EGF: variants seen among roughly 807,000 people sequenced by gnomAD.
The protein encoded by EGF is epidermal growth factor.
Under a neutral mutation model 143.8 loss-of-function variants are expected in EGF, and 95 were observed. The ratio of observed to expected loss-of-function variants is 0.66; its 90% CI spans 0.56 to 0.78. The LOEUF is 0.78. EGF is among the 30% of genes least tolerant of loss of function. The pLI, the probability that EGF is intolerant of heterozygous loss-of-function variation, is 0.00. For synonymous variants in EGF, 510 were observed against 510.5 expected, an observed-to-expected ratio of 1.00 and a Z score of 0.01; for missense variants, 1,320 against 1,470.9, an observed-to-expected ratio of 0.90 and a Z score of 1.68.
chr4:109,959,231 C>T (rs890463520), intron 5 of EGF, 81 bp from the exon 6 acceptor site: 43 of 1,597,982 alleles, frequency 2.7e-5, no homozygotes, highest in South Asian at 2.3e-4. Flanking sequence ...GAGGTAAGAC[C>T]TCTTAAGAAT....
chr4:109,918,865 T>C (rs1002788254), intron 1 of EGF, among the ~76,000 whole-genome samples: 2 of 152,184 alleles, frequency 1.3e-5, no homozygotes, highest in Non-Finnish European at 2.9e-5. Context: ...AGGTCATCTG[T>C]GGAAGGGACT....
In EGF at chr4:109,959,323, T is replaced by C. The variant is rs749456522; in HGVS notation, c.952T>C (p.Cys318Arg). The C allele has an allele frequency of 1.1e-5, 18 of 1,613,778 alleles. No individual in the cohort carries two copies. The East Asian group carries it at 3.8e-4, about 34-fold the overall frequency. Residue 318 changes from cysteine (C) to arginine (R), a missense_variant, in exon 6 of 24, where the codon TGC becomes CGC. Physicochemically the swap from Cys to Arg is radical, Grantham distance 180. This residue lies in a region of EGF where 1,186 missense variants were observed against 1,313.7 expected (regional missense o/e 0.90). Transcript: ENST00000265171. ...DDTWEPEQKL[C>R]KLRKGNCSST... ...ATCTTCTCTTTTAGAGCAGAAACTT[T>C]GCAAATTGAGGAAAGGAAACTGCAG...
intron 5 of EGF, among the ~76,000 whole-genome samples, chr4:109,951,293 G>T (rs886092270): frequency 6.6e-6 from 1 of 152,244 alleles, no homozygotes; most frequent in African/African-American, 2.4e-5. Flanking sequence ...AAGGGGCAGA[G>T]GTTTCAGTGA....
Position 109,970,824 on chromosome 4 carries a change from CAAAAA to C in EGF, c.1724+1723_1724+1727del, listed in dbSNP as rs371512157. 8.9e-3 allele frequency among the ~76,000 whole-genome samples: 651 copies of C among 72,962 alleles called. 8 individuals are homozygous for C. The highest frequency in any genetic ancestry group is 0.033 in the African/African-American group (606 of 18,202). 47.9% of individuals were successfully genotyped at this position (72,962 alleles called of 152,430 possible). A position where few individuals can be genotyped will look rare whatever the true frequency, so the allele number is the denominator to read the frequency against. On this transcript the variant is annotated intron_variant, in intron 11 of 23. Transcript: ENST00000265171. ...TGGGTGGCAGAGCGAGACTCCGTCT[CAAAAA>C]AAAAAAAAAAAAAAAAATCTGTTGA... is the stretch of plus-strand genomic sequence containing the variant.
At chr4:109,924,013 G>A (rs1396972152) in intron 1 of EGF, among the ~76,000 whole-genome samples, 1 of 151,690 alleles carries the variant, frequency 6.6e-6, no homozygotes, top group African/African-American at 2.4e-5. Context: ...TAATATTTAT[G>A]TAGGAATTTA....
In EGF at chr4:109,933,318, G is replaced by T. The variant is rs1487395605; in HGVS notation, c.128-7628G>T. ...GGGGCTTGTATTGTAGCAAAGATCT[G>T]GGAATAATAATTTGAGTGAATTCTC... is the stretch of plus-strand genomic sequence containing the variant. On this transcript the variant is annotated intron_variant, in intron 1 of 23. Transcript: ENST00000265171. Among the ~76,000 whole-genome samples the T allele has an allele frequency of 2.0e-5, 3 of 152,110 alleles. No individual in the cohort carries two copies. The East Asian group carries it at 5.8e-4, about 29-fold the overall frequency.
In EGF at chr4:110,012,118, C is replaced by T. The variant is rs1190621251; in HGVS notation, c.*663C>T. ...TTTCTTAGTCATTACTGTCCTTTTC[C>T]CCTACAGAATTTTCCCTCTTGGTGT... On this transcript the variant is annotated 3_prime_UTR_variant, in exon 24 of 24. Transcript: ENST00000265171. 1.3e-5 allele frequency: 2 copies of T among 152,088 alleles called. No homozygotes were observed. 9.4% of individuals were successfully genotyped at this position (152,088 alleles called of 1,614,324 possible).
intron 1 of EGF, among the ~76,000 whole-genome samples, chr4:109,920,005 T>G (rs922589228): frequency 6.6e-6 from 1 of 151,678 alleles, no homozygotes; most frequent in Non-Finnish European, 1.5e-5. Context: ...GGCTTGTGAA[T>G]CAGTACAATG....
In EGF at chr4:110,011,322, G is replaced by A; in HGVS notation, c.3491G>A (p.Ser1164Asn). 1.9e-6 allele frequency: 3 copies of A among 1,614,154 alleles called. No individual in the cohort carries two copies. In the South Asian group the frequency reaches 3.3e-5, roughly 18 times the overall value. The change falls in exon 24 of 24, where the codon AGC becomes AAC. Residue 1164 changes from serine to asparagine, a missense_variant. Ser to Asn is a conservative substitution (Grantham distance 46, BLOSUM62 1). Coordinates refer to ENST00000265171, the MANE Select transcript of EGF (RefSeq NM_001963.6). ...KGSCPQVMER[S>N]FHMPSYGTQT... ...TCCTGTCCCCAGGTAATGGAGCGAA[G>A]CTTTCATATGCCCTCCTATGGGACA... is the stretch of plus-strand genomic sequence containing the variant.
chr4:109,959,180 A>G, intron 5 of EGF, 132 bp from the exon 6 acceptor site: 1 of 1,416,762 alleles, frequency 7.1e-7, no homozygotes, highest in Non-Finnish European at 9.7e-7. Context: ...GGCTCTGGCT[A>G]AGTTTGCCTC....
chr4:109,929,270 C>T (rs1400159206), intron 1 of EGF, among the ~76,000 whole-genome samples: 1 of 152,088 alleles, frequency 6.6e-6, no homozygotes, highest in Non-Finnish European at 1.5e-5. Context: ...TATTTATTGG[C>T]CTTGTGACTT....
At chr4:109,958,806 T>C (rs887065247) in intron 5 of EGF, among the ~76,000 whole-genome samples, 1 of 150,150 alleles carries the variant, frequency 6.7e-6, no homozygotes, top group Non-Finnish European at 1.5e-5. Flanking sequence ...TAATCCCAGC[T>C]ACTTAGGAGG....
intron 12 of EGF, among the ~76,000 whole-genome samples, chr4:109,975,648 C>A (rs535339828): frequency 1.3e-5 from 2 of 152,126 alleles, no homozygotes; most frequent in Non-Finnish European, 2.9e-5. Flanking sequence ...GAAGAACAGG[C>A]GAGCAAGATT....
Position 109,913,072 on chromosome 4 carries a change from T to C in EGF, c.-264T>C. ...AACTCTGTGAAATTTGTCATAAGGG[T>C]GTCAGGTATTTCTTACTGGCTTCCA... On this transcript the variant is annotated 5_prime_UTR_variant, in exon 1 of 24. Transcript: ENST00000265171. 4 of 418,108 alleles carry C rather than the reference T, an allele frequency of 9.6e-6. No individual in the cohort carries two copies. The highest frequency in any genetic ancestry group is 6.4e-5 in the South Asian group (3 of 47,228). 25.9% of individuals were successfully genotyped at this position (418,108 alleles called of 1,614,324 possible). A position where few individuals can be genotyped will look rare whatever the true frequency, so the allele number is the denominator to read the frequency against.
intron 18 of EGF, among the ~76,000 whole-genome samples, chr4:109,989,145 C>T (rs1750583548): frequency 6.6e-6 from 1 of 152,172 alleles, no homozygotes; most frequent in Non-Finnish European, 1.5e-5. Context: ...GGAGGTGTGG[C>T]TTGTCAAAGG....
intron 1 of EGF, among the ~76,000 whole-genome samples, chr4:109,926,534 T>C (rs974811564): frequency 6.6e-6 from 1 of 152,006 alleles, no homozygotes; most frequent in African/African-American, 2.4e-5. Flanking sequence ...TTTTTTTGTA[T>C]TTTTAGTAGA....
chr4:110,001,202 C>T (rs1316622102), intron 21 of EGF, among the ~76,000 whole-genome samples: 1 of 152,194 alleles, frequency 6.6e-6, no homozygotes, highest in Non-Finnish European at 1.5e-5. Flanking sequence ...AAGAATAGTA[C>T]TTATCTCAAG....
At chr4:110,000,407 A>C (rs1185746898) in intron 21 of EGF, among the ~76,000 whole-genome samples, 1 of 152,150 alleles carries the variant, frequency 6.6e-6, no homozygotes. Context: ...TATCAATCAC[A>C]ATATGGTTTT....
chr4:109,983,500 CAGA>C lies in EGF; in HGVS notation c.2452_2454del (p.Glu818del). On this transcript the variant is annotated inframe_deletion, in exon 16 of 24. Coordinates refer to ENST00000265171, the MANE Select transcript of EGF (RefSeq NM_001963.6). ...ACTAGAGTGTCAGAAGATAACATTA[CAGA>C]ATCTCAACACATGCTAGTGGCTGAA... The C allele has an allele frequency of 6.2e-7, 1 of 1,613,772 alleles. No homozygotes were observed. Among genetic ancestry groups the C allele is most frequent in the Non-Finnish European group, 8.5e-7 (1 of 1,179,820 alleles).
Sources: allele counts gnomAD v4.1 joint callset (sites outside exome capture counted in the v4.1 genomes callset), GRCh38; gene constraint gnomAD v4.1.1; regional missense constraint gnomAD v4.1.1; transcripts MANE v1.5; gene names NCBI Gene and HGNC (gene_info 2026-07-23, HGNC 2026-07-21).